The following PHACTR1 variants were observed in gnomAD, a reference collection of about 807,000 sequenced individuals.
The protein encoded by PHACTR1 is phosphatase and actin regulator 1.
Under a neutral mutation model 69.2 loss-of-function variants are expected in PHACTR1, and 16 were observed. The observed-to-expected ratio is 0.23, with a 90% CI of 0.16 to 0.35. The LOEUF is 0.35. PHACTR1 is among the 10% of genes least tolerant of loss of function. The probability of loss-of-function intolerance (pLI) is 1.00; values close to 1 mark genes in which losing one functional copy is unlikely to be tolerated. For synonymous variants in PHACTR1, 312 were observed against 284.5 expected (o/e 1.10, Z -0.97); for missense variants, 510 against 734.7 (o/e 0.69, Z 3.54).
At chr6:12,959,772 T>C (rs1318097800) in intron 4 of PHACTR1, among the ~76,000 whole-genome samples, 1 of 152,152 alleles carries the variant, frequency 6.6e-6, no homozygotes, top group Non-Finnish European at 1.5e-5. Context: ...CTCAAAATAG[T>C]TTTGGTTTTG....
chr6:12,881,539 A>G (rs1561974906), intron 4 of PHACTR1, among the ~76,000 whole-genome samples: 1 of 152,056 alleles, frequency 6.6e-6, no homozygotes, highest in Non-Finnish European at 1.5e-5. Context: ...GGCTCTTCTT[A>G]TCATTCAGGG....
At chr6:12,942,750 A>T (rs1461247272) in intron 4 of PHACTR1, among the ~76,000 whole-genome samples, 1 of 152,202 alleles carries the variant, frequency 6.6e-6, no homozygotes, top group Non-Finnish European at 1.5e-5. Flanking sequence ...AGTGTTTGAC[A>T]ATGCAGTTCC....
chr6:12,974,070 C>T (rs1794571474), intron 4 of PHACTR1, among the ~76,000 whole-genome samples: 1 of 151,850 alleles, frequency 6.6e-6, no homozygotes, highest in South Asian at 2.1e-4. Flanking sequence ...AACAGGCATG[C>T]GCCACCACGC....
At chr6:12,988,610 G>A (rs558174857) in intron 4 of PHACTR1, among the ~76,000 whole-genome samples, 31 of 152,272 alleles carry the variant, frequency 2.0e-4, no homozygotes, top group Middle Eastern at 3.4e-3. Context: ...TACCTCCCCA[G>A]TGTGTAGAGC....
chr6:12,912,973 C>T (rs74370103), intron 4 of PHACTR1, among the ~76,000 whole-genome samples: 1 of 152,248 alleles, frequency 6.6e-6, no homozygotes, highest in East Asian at 1.9e-4. Context: ...CAAACAAAAA[C>T]CTGGCTTTTA....
intron 4 of PHACTR1, among the ~76,000 whole-genome samples, chr6:13,009,331 A>C (rs1323537388): frequency 6.6e-6 from 1 of 152,252 alleles, no homozygotes; most frequent in Non-Finnish European, 1.5e-5. Context: ...ACATAGAAGC[A>C]GGGTAGAAAT....
At chr6:12,995,499 T>G (rs1030479720) in intron 4 of PHACTR1, among the ~76,000 whole-genome samples, 2 of 152,016 alleles carry the variant, frequency 1.3e-5, no homozygotes, top group African/African-American at 4.8e-5. Context: ...AATATTACTA[T>G]TAAATAAAAT....
chr6:13,094,547 T>G (rs1282254910), intron 5 of PHACTR1, among the ~76,000 whole-genome samples: 2 of 152,228 alleles, frequency 1.3e-5, no homozygotes, highest in Non-Finnish European at 1.5e-5. Context: ...TCTGCCTGCC[T>G]CGGCCTCCCA....
intron 5 of PHACTR1, among the ~76,000 whole-genome samples, chr6:13,086,238 C>T (rs1283207770): frequency 1.3e-5 from 2 of 151,868 alleles, no homozygotes; most frequent in Non-Finnish European, 1.5e-5. Context: ...TATAAATTGC[C>T]TAAATGCATA....
At chr6:13,211,614 A>G (rs1766859230) in intron 8 of PHACTR1, among the ~76,000 whole-genome samples, 1 of 152,226 alleles carries the variant, frequency 6.6e-6, no homozygotes, top group Non-Finnish European at 1.5e-5. Context: ...TCAGTCGCTC[A>G]TGCCAAAGAC....
At chr6:12,954,099 G>A (rs1296245946) in intron 4 of PHACTR1, among the ~76,000 whole-genome samples, 1 of 152,132 alleles carries the variant, frequency 6.6e-6, no homozygotes, top group Non-Finnish European at 1.5e-5. Flanking sequence ...TTTGGTAAGG[G>A]ATAGGCATTT....
intron 4 of PHACTR1, among the ~76,000 whole-genome samples, chr6:12,919,895 G>T (rs1322790901): frequency 1.3e-5 from 2 of 152,126 alleles, no homozygotes; most frequent in African/African-American, 4.8e-5. Flanking sequence ...AAAGAGCACT[G>T]GTTTTATTGT....
At chr6:12,783,941 T>G (rs911649190) in intron 4 of PHACTR1, among the ~76,000 whole-genome samples, 24 of 152,128 alleles carry the variant, frequency 1.6e-4, no homozygotes, top group African/African-American at 5.6e-4. Flanking sequence ...GGTAGACACA[T>G]GCACTCACAC....
rs149610524 is a variant in PHACTR1, at chr6:13,004,781, T to C, written c.251-48584T>C. 4.7e-3 allele frequency among the ~76,000 whole-genome samples: 718 copies of C among 152,288 alleles called. 6 individuals are homozygous for C. Among genetic ancestry groups the C allele is most frequent in the African/African-American group, 0.016 (685 of 41,568 alleles). On this transcript the variant is annotated intron_variant, in intron 4 of 14. Coordinates refer to ENST00000332995, the MANE Select transcript of PHACTR1 (RefSeq NM_030948.6). The stretch of plus-strand genomic sequence containing the variant: ...GGAGAGTGGATATGTCTGGCCTGCG[T>C]TCACTTCAGATCTGGGCTTTGGCAC...
intron 4 of PHACTR1, among the ~76,000 whole-genome samples, chr6:12,880,197 C>G (rs1343914743): frequency 6.6e-6 from 1 of 151,294 alleles, no homozygotes. Context: ...GATTCATACT[C>G]TCAGATTGTC....
At chr6:13,181,197 C>T (rs1166991708) in intron 6 of PHACTR1, among the ~76,000 whole-genome samples, 1 of 124,130 alleles carries the variant, frequency 8.1e-6, no homozygotes, top group Admixed American at 9.0e-5. Flanking sequence ...GGACTCTAAT[C>T]GGGCGGGGGT....
intron 4 of PHACTR1, among the ~76,000 whole-genome samples, chr6:12,768,176 G>A (rs1324631619): frequency 1.4e-5 from 2 of 146,156 alleles, no homozygotes; most frequent in Admixed American, 1.4e-4. Context: ...GTGCAGTGGC[G>A]CGATCTCGGC....
At position 12,780,663 on chromosome 6, in the gene PHACTR1, C is replaced by T. The variant is rs183628960; in HGVS notation, c.250+30873C>T. ...AGCGTAAACAGCGACATGCTCAAAC[C>T]AGGTGCTTTTGTAAGCTGCCTGCCC... On this transcript the variant is annotated intron_variant, in intron 4 of 14. Coordinates refer to ENST00000332995, the MANE Select transcript of PHACTR1 (RefSeq NM_030948.6). Among the ~76,000 whole-genome samples the T allele has an allele frequency of 1.6e-4, 24 of 152,296 alleles. No individual in the cohort carries two copies. In the East Asian group the frequency reaches 4.1e-3, roughly 26 times the overall value.
chr6:12,882,269 C>T (rs1244267073), intron 4 of PHACTR1, among the ~76,000 whole-genome samples: 1 of 151,842 alleles, frequency 6.6e-6, no homozygotes, highest in Non-Finnish European at 1.5e-5. Context: ...GAGAACTTGG[C>T]CTGAGAAGGG....
Sources: allele counts gnomAD v4.1 joint callset (sites outside exome capture counted in the v4.1 genomes callset), GRCh38; gene constraint gnomAD v4.1.1; transcripts MANE v1.5; gene names NCBI Gene and HGNC (gene_info 2026-07-23, HGNC 2026-07-21).